The following SEMA3E variants were observed in gnomAD, a reference collection of about 807,000 sequenced individuals.
SEMA3E encodes semaphorin-3E.
Under a neutral mutation model 93.6 loss-of-function variants are expected in SEMA3E, and 49 were observed. The observed-to-expected ratio is 0.52, with a 90% CI of 0.42 to 0.66. The LOEUF (loss-of-function observed/expected upper bound fraction) is 0.66, where lower values mean the gene tolerates loss of function less well. Among genes scored for constraint, SEMA3E ranks in the 30% least tolerant of loss-of-function variants. The pLI, the probability that SEMA3E is intolerant of heterozygous loss-of-function variation, is 0.00. For missense variants in SEMA3E, 906 were observed against 964.8 expected (o/e 0.94, Z 0.81); for synonymous variants, 363 against 330.7 (o/e 1.10, Z -1.06).
intron 4 of SEMA3E, among the ~76,000 whole-genome samples, chr7:83,462,849 A>G (rs1434057189): frequency 7.5e-6 from 1 of 133,966 alleles, no homozygotes; most frequent in African/African-American, 2.7e-5. Flanking sequence ...GTGGTGCCAA[A>G]CCCATATACT....
intron 12 of SEMA3E, among the ~76,000 whole-genome samples, chr7:83,396,002 A>G (rs2709922): frequency 0.57 from 86,762 of 151,848 alleles, 28,487 homozygotes; most frequent in East Asian, 0.85. Context: ...GTGTTACAAC[A>G]ACTTTGAAGA....
chr7:83,425,308 T>G (rs572539364), intron 4 of SEMA3E, among the ~76,000 whole-genome samples: 1 of 152,308 alleles, frequency 6.6e-6, no homozygotes, highest in East Asian at 1.9e-4. Flanking sequence ...ATTGTTCTAT[T>G]TTCTTCATAA....
chr7:83,490,037 A>T (rs929923459), intron 2 of SEMA3E, 77 bp downstream of exon 2: 102 of 1,400,308 alleles, frequency 7.3e-5, no homozygotes, highest in Non-Finnish European at 9.8e-5. Context: ...CAATACAATT[A>T]AAAAAAAGAC....
intron 4 of SEMA3E, among the ~76,000 whole-genome samples, chr7:83,440,076 GT>G (rs113178612): frequency 6.6e-5 from 10 of 151,782 alleles, no homozygotes; most frequent in African/African-American, 1.2e-4. Context: ...GATACAAAAT[GT>G]TTTTTTTCTA....
intron 1 of SEMA3E, among the ~76,000 whole-genome samples, chr7:83,555,238 C>T (rs964181229): frequency 5.3e-5 from 8 of 152,142 alleles, no homozygotes; most frequent in Non-Finnish European, 1.0e-4. Context: ...TGCTAGCTTG[C>T]TTTCTGCATC....
At chr7:83,579,136 T>C (rs1017711248) in intron 1 of SEMA3E, among the ~76,000 whole-genome samples, 16 of 152,156 alleles carry the variant, frequency 1.1e-4, no homozygotes, top group African/African-American at 3.4e-4. Flanking sequence ...TGAGTAGTTA[T>C]GTTAGGTTTC....
At chr7:83,458,879 TATA>T (rs200354590) in intron 4 of SEMA3E, among the ~76,000 whole-genome samples, 3,162 of 147,272 alleles carry the variant, frequency 0.021, 121 homozygotes, top group African/African-American at 0.073. Context: ...ATATGTTATA[TATA>T]ATAATATATA....
At chr7:83,564,811 T>A (rs951108439) in intron 1 of SEMA3E, among the ~76,000 whole-genome samples, 1 of 152,162 alleles carries the variant, frequency 6.6e-6, no homozygotes, top group East Asian at 1.9e-4. Context: ...AGGATACAAA[T>A]AATTTTTTAA....
intron 1 of SEMA3E, among the ~76,000 whole-genome samples, chr7:83,595,390 T>A (rs1792850965): frequency 6.6e-6 from 1 of 152,098 alleles, no homozygotes. Context: ...AGTTTACATA[T>A]ATCTTTCCTC....
rs374244515 is a variant in SEMA3E, at chr7:83,584,965, C to G, written c.115+63463G>C. 3.3e-5 allele frequency among the ~76,000 whole-genome samples: 5 copies of G among 152,242 alleles called. No homozygotes were observed. The East Asian group carries it at 9.7e-4, about 29-fold the overall frequency. ...CCCTTACTACTGGGAAAAATTCTCA[C>G]TCCTTACCGTGAGCAAGAGTCGACA... On this transcript the variant is annotated intron_variant, in intron 1 of 16. Coordinates refer to ENST00000643230, the MANE Select transcript of SEMA3E (RefSeq NM_012431.3).
intron 1 of SEMA3E, among the ~76,000 whole-genome samples, chr7:83,615,765 G>A (rs1793352484): frequency 6.6e-6 from 1 of 152,104 alleles, no homozygotes; most frequent in Admixed American, 6.6e-5. Context: ...AGACTAGAGA[G>A]CATTGTCTTC....
chr7:83,579,534 C>A (rs215295), intron 1 of SEMA3E, among the ~76,000 whole-genome samples: 14 of 151,808 alleles, frequency 9.2e-5, no homozygotes, highest in African/African-American at 3.4e-4. Context: ...GACATTGGCA[C>A]ATATTTCTGC....
At chr7:83,626,287 G>A (rs776607574) in intron 1 of SEMA3E, among the ~76,000 whole-genome samples, 75 of 152,290 alleles carry the variant, frequency 4.9e-4, no homozygotes, top group Non-Finnish European at 9.6e-4. Flanking sequence ...AATAGTAGCA[G>A]CTCCTCTTTG....
chr7:83,500,863 G>A (rs1584291959), intron 1 of SEMA3E, among the ~76,000 whole-genome samples: 1 of 151,994 alleles, frequency 6.6e-6, no homozygotes. Flanking sequence ...AGTCCTGGGA[G>A]TACAGGCATG....
At chr7:83,582,755 A>G (rs954044251) in intron 1 of SEMA3E, among the ~76,000 whole-genome samples, 5 of 152,102 alleles carry the variant, frequency 3.3e-5, no homozygotes, top group African/African-American at 1.2e-4. Flanking sequence ...TCTTCTTTAC[A>G]TAACAATAAA....
Position 83,572,511 on chromosome 7 carries a change from C to T in SEMA3E, c.115+75917G>A, listed in dbSNP as rs544203522. On this transcript the variant is annotated intron_variant, in intron 1 of 16. Coordinates refer to ENST00000643230, the MANE Select transcript of SEMA3E (RefSeq NM_012431.3). ...AAAATTAGCCAGGCATGGTGGCAGC[C>T]GCTTGTAGTCCCAGCTACTTGGGAG... is the stretch of plus-strand genomic sequence containing the variant. 4.6e-5 allele frequency among the ~76,000 whole-genome samples: 7 copies of T among 152,088 alleles called. No homozygotes were observed. In the East Asian group the frequency reaches 1.4e-3, roughly 30 times the overall value.
intron 1 of SEMA3E, among the ~76,000 whole-genome samples, chr7:83,515,870 A>G (rs1186962972): frequency 6.6e-6 from 1 of 152,112 alleles, no homozygotes; most frequent in East Asian, 1.9e-4. Flanking sequence ...TCCACTAAAA[A>G]TAAAAAACTA....
intron 1 of SEMA3E, among the ~76,000 whole-genome samples, chr7:83,595,192 T>C (rs1167076449): frequency 1.3e-5 from 2 of 152,102 alleles, no homozygotes; most frequent in Non-Finnish European, 2.9e-5. Context: ...AAATAAGTCA[T>C]TAAGACAAAA....
At chr7:83,441,224 AG>A in intron 4 of SEMA3E, among the ~76,000 whole-genome samples, 1 of 152,232 alleles carries the variant, frequency 6.6e-6, no homozygotes, top group East Asian at 1.9e-4. Context: ...GGGAAAAGTT[AG>A]GTTACAAAAA....
Sources: gnomAD v4.1 joint callset for allele counts (sites outside exome capture counted in the v4.1 genomes callset) on GRCh38, gnomAD v4.1.1 for gene constraint, MANE v1.5 for transcripts, NCBI Gene and HGNC (gene_info 2026-07-23, HGNC 2026-07-21) for gene names.